The following ZNF578 variants were observed in gnomAD, a reference collection of about 807,000 sequenced individuals.
The protein encoded by ZNF578 is zinc finger protein 578, also known as Putative chemokine-related protein B42.
In ZNF578, 8 loss-of-function variants were observed where a neutral mutation model predicts 8.3. That is an observed-to-expected ratio of 0.96 (90% CI 0.56 to 1.74). The LOEUF is 1.74. Among genes scored for constraint, ZNF578 ranks in the 40% most tolerant of loss-of-function variants. The pLI, the probability that ZNF578 is intolerant of heterozygous loss-of-function variation, is 0.00. For missense variants in ZNF578, 726 were observed against 707.5 expected (o/e 1.03, Z -0.30); for synonymous variants, 206 against 232.2 (o/e 0.89, Z 1.03).
intron 5 of ZNF578, among the ~76,000 whole-genome samples, chr19:52,509,118 G>T (rs984786417): frequency 1.3e-5 from 2 of 151,918 alleles, no homozygotes; most frequent in African/African-American, 4.8e-5. Context: ...TGGCCAGCCT[G>T]TTCTCGAACT....
intron 2 of ZNF578, among the ~76,000 whole-genome samples, chr19:52,482,192 C>T (rs1234930834): frequency 6.6e-6 from 1 of 152,200 alleles, no homozygotes; most frequent in African/African-American, 2.4e-5. Flanking sequence ...CACCACAACG[C>T]CCGGCTAATT....
At chr19:52,508,519 C>T (rs1436441821) in intron 5 of ZNF578, among the ~76,000 whole-genome samples, 1 of 150,424 alleles carries the variant, frequency 6.6e-6, no homozygotes, top group Non-Finnish European at 1.5e-5. Flanking sequence ...GATAGTGGAC[C>T]GAGCGCGGTG....
chr19:52,459,769 A>ATATATATATTTT (rs1555751349), intron 2 of ZNF578, among the ~76,000 whole-genome samples: 209 of 17,618 alleles, frequency 0.012, 43 homozygotes, highest in South Asian at 0.024. Flanking sequence ...ATATATATAT[A>ATATATATATTTT]TTTTTTTTTT....
intron 5 of ZNF578, among the ~76,000 whole-genome samples, chr19:52,505,904 G>GTT (rs111588563): frequency 2.1e-5 from 3 of 145,564 alleles, no homozygotes; most frequent in South Asian, 2.2e-4. Context: ...TTTCTATGTT[G>GTT]TTTTTTTTTT....
intron 2 of ZNF578, among the ~76,000 whole-genome samples, chr19:52,465,435 G>T (rs73055381): frequency 2.0e-5 from 3 of 152,110 alleles, no homozygotes; most frequent in Non-Finnish European, 4.4e-5. Flanking sequence ...TGGTAGAGGC[G>T]GTTCAGAGTT....
At chr19:52,500,257 A>T (rs1231961607) in intron 3 of ZNF578, among the ~76,000 whole-genome samples, 1 of 152,138 alleles carries the variant, frequency 6.6e-6, no homozygotes, top group Admixed American at 6.6e-5. Flanking sequence ...TTATGGAGAC[A>T]TGAGACATCA....
At chr19:52,495,469 T>G (rs2059382680) in intron 3 of ZNF578, among the ~76,000 whole-genome samples, 1 of 147,708 alleles carries the variant, frequency 6.8e-6, no homozygotes, top group Non-Finnish European at 1.5e-5. Flanking sequence ...CAAAAAAGAA[T>G]GGAGCAAAAC....
Position 52,511,778 on chromosome 19 carries a change from A to G in ZNF578, c.1397A>G (p.Gln466Arg), listed in dbSNP as rs751402029. 9 of 1,613,396 alleles carry G rather than the reference A, an allele frequency of 5.6e-6. No individual in the cohort carries two copies. The highest frequency in any genetic ancestry group is 3.3e-4 in the Middle Eastern group (2 of 6,054). ...KCEECDRVFS[Q>R]KSNLERHKII... ...GAAGAATGTGACAGAGTTTTCAGTC[A>G]GAAATCAAACCTTGAGAGACACAAG... Residue 466 changes from glutamine to arginine, a missense_variant, in exon 6 of 6, where the codon CAG becomes CGG. Physicochemically the swap from Gln to Arg is conservative, Grantham distance 43. Coordinates refer to ENST00000421239, the MANE Select transcript of ZNF578 (RefSeq NM_001099694.2).
intron 4 of ZNF578, among the ~76,000 whole-genome samples, chr19:52,503,042 C>G (rs946856033): frequency 1.3e-5 from 2 of 152,036 alleles, no homozygotes; most frequent in Non-Finnish European, 2.9e-5. Flanking sequence ...ACAGGATGCA[C>G]CACCACACCC....
intron 2 of ZNF578, among the ~76,000 whole-genome samples, chr19:52,478,091 G>A (rs142055308): frequency 9.9e-5 from 15 of 152,278 alleles, no homozygotes; most frequent in Admixed American, 4.6e-4. Context: ...CCAGCAGCAC[G>A]GTTCTGTCTA....
chr19:52,475,177 AC>A (rs2059304160), intron 2 of ZNF578: 1 of 228,440 alleles, frequency 4.4e-6, no homozygotes, highest in Non-Finnish European at 9.4e-6. Context: ...TGTCATGGTT[AC>A]CAAGGCTTGA....
At chr19:52,508,746 T>TA (rs904337564) in intron 5 of ZNF578, among the ~76,000 whole-genome samples, 12 of 150,128 alleles carry the variant, frequency 8.0e-5, no homozygotes, top group African/African-American at 3.0e-4. Flanking sequence ...GGTGAGCTGA[T>TA]ATTGCATCAT....
chr19:52,497,747 G>A (rs1180232245), intron 3 of ZNF578, among the ~76,000 whole-genome samples: 1 of 152,126 alleles, frequency 6.6e-6, no homozygotes, highest in Non-Finnish European at 1.5e-5. Flanking sequence ...TGATATCAAG[G>A]ACCTTTTTTC....
chr19:52,459,769 A>ATATATATATTTTTTTT (rs1555751349), intron 2 of ZNF578, among the ~76,000 whole-genome samples: 2 of 17,620 alleles, frequency 1.1e-4, no homozygotes, highest in Admixed American at 1.8e-3. Flanking sequence ...ATATATATAT[A>ATATATATATTTTTTTT]TTTTTTTTTT....
Position 52,512,178 on chromosome 19 carries a change from A to G in ZNF578, c.*24A>G. 6.2e-7 allele frequency: 1 copy of G among 1,613,910 alleles called. No homozygotes were observed. On this transcript the variant is annotated 3_prime_UTR_variant, in exon 6 of 6. Transcript: ENST00000421239. ...AGACTTCATACTGGAGAGAAACCTT[A>G]CAAATGTGAAGCATGTGACAAAGTT... is the stretch of plus-strand genomic sequence containing the variant.
At chr19:52,464,674 T>C (rs2059269036) in intron 2 of ZNF578, among the ~76,000 whole-genome samples, 1 of 152,184 alleles carries the variant, frequency 6.6e-6, no homozygotes, top group Admixed American at 6.5e-5. Flanking sequence ...ACAGAGTATG[T>C]CATCCATGTA....
At chr19:52,506,294 G>GT (rs140535725) in intron 5 of ZNF578, among the ~76,000 whole-genome samples, 2,198 of 152,026 alleles carry the variant, frequency 0.014, 56 homozygotes, top group African/African-American at 0.047. Flanking sequence ...ATCTGGGTTG[G>GT]TTTTTTCTCT....
At chr19:52,471,520 AG>A (rs923327082) in intron 2 of ZNF578, among the ~76,000 whole-genome samples, 17 of 152,260 alleles carry the variant, frequency 1.1e-4, no homozygotes, top group African/African-American at 3.6e-4. Flanking sequence ...CTGATAATAA[AG>A]CCTGAGTGCC....
chr19:52,459,792 T>TTTTTTTTA (rs2059252081), intron 2 of ZNF578, among the ~76,000 whole-genome samples: 1 of 117,902 alleles, frequency 8.5e-6, no homozygotes, highest in Non-Finnish European at 1.7e-5. Context: ...TTTTTTTTTT[T>TTTTTTTTA]TGAGATGGAG....
Sources: gnomAD v4.1 joint callset for allele counts (sites outside exome capture counted in the v4.1 genomes callset) on GRCh38, gnomAD v4.1.1 for gene constraint, MANE v1.5 for transcripts, NCBI Gene and HGNC (gene_info 2026-07-23, HGNC 2026-07-21) for gene names.